The following MBD6 variants were observed in gnomAD, a reference collection of about 807,000 sequenced individuals.
MBD6 encodes the protein methyl-CpG-binding domain protein 6.
MBD6 carries 22 observed loss-of-function variants against 66.8 expected under a neutral mutation model. The observed-to-expected ratio is 0.33, with a 90% CI of 0.24 to 0.47. The LOEUF is 0.47. Among genes scored for constraint, MBD6 ranks in the 20% least tolerant of loss-of-function variants. MBD6 has a pLI of 1.00. For missense variants in MBD6, 1,322 were observed against 1,286.9 expected (o/e 1.03, Z -0.42); for synonymous variants, 540 against 534.6 (o/e 1.01, Z -0.14).
In MBD6 at chr12:57,529,423, C is replaced by CA; in HGVS notation, c.*189_*190insA. ...TGCAGGGGGCAGGGAAGTTCACCCCCCCCCACCACCCCCCCGCCCCCCCGA... is the reference window on the plus strand; with the variant it reads ...TGCAGGGGGCAGGGAAGTTCACCCCCACCCCACCACCCCCCCGCCCCCCCGA... On this transcript the variant is annotated 3_prime_UTR_variant, in exon 13 of 13. Coordinates refer to ENST00000355673, the MANE Select transcript of MBD6 (RefSeq NM_052897.4). The CA allele has an allele frequency of 1.9e-6, 1 of 536,394 alleles. No individual in the cohort carries two copies. Among genetic ancestry groups the CA allele is most frequent in the Non-Finnish European group, 3.3e-6 (1 of 304,252 alleles). The allele number at this position is 536,394 out of a possible 1,614,324, so 33.2% of individuals were successfully genotyped here.
chr12:57,526,892 C>T lies in MBD6; in HGVS notation c.1747C>T (p.Pro583Ser), dbSNP rs770518587. ...GCCCCTGCTACCCCCACCAGGAGGA[C>T]CTGGTCCTCCCCTAGCCCCAGGAGA... ...PEPLLPPPGGPGPPLAPGEPE... is the reference protein window; with the variant it reads ...PEPLLPPPGGSGPPLAPGEPE... Residue 583 changes from proline (P) to serine (S), a missense_variant, in exon 7 of 13, where the codon CCT becomes TCT. Pro to Ser is a moderately conservative substitution (Grantham distance 74). Transcript: ENST00000355673. 5.0e-6 allele frequency: 8 copies of T among 1,613,370 alleles called. No homozygotes were observed. The highest frequency in any genetic ancestry group is 4.4e-5 in the South Asian group (4 of 91,060).
rs368370024 is a variant in MBD6, at chr12:57,526,058, C to G, written c.1090C>G (p.Arg364Gly). 4 of 1,613,904 alleles carry G rather than the reference C, an allele frequency of 2.5e-6. No homozygotes were observed. In the African/African-American group the frequency reaches 5.3e-5, roughly 22 times the overall value. Residue 364 changes from arginine to glycine, a missense_variant, in exon 6 of 13, where the codon CGT becomes GGT. Coordinates refer to ENST00000355673, the MANE Select transcript of MBD6 (RefSeq NM_052897.4). Reference protein sequence around the residue: ...SHSSSLRPSQRRPRRPPTVFR... With the variant: ...SHSSSLRPSQGRPRRPPTVFR... Reference sequence around the variant, plus strand: ...CTCCTCATCACTTCGTCCCTCTCAGCGTCGTCCCCGCAGACCCCCTACTGT... The same window carrying G: ...CTCCTCATCACTTCGTCCCTCTCAGGGTCGTCCCCGCAGACCCCCTACTGT...
At chr12:57,523,385 T>G (rs949564372) in intron 1 of MBD6, 1 of 152,112 alleles carries the variant, frequency 6.6e-6, no homozygotes, top group African/African-American at 2.4e-5. Context: ...TGGAGGGGCT[T>G]CCCCTTCTAT....
chr12:57,530,332 G>T, downstream of MBD6: 1 of 199,876 alleles, frequency 5.0e-6, no homozygotes, highest in Non-Finnish European at 1.0e-5. Context: ...AGCATTTAAT[G>T]GTCAGAAACA....
chr12:57,525,425 C>T lies in MBD6; in HGVS notation c.457C>T (p.Pro153Ser), dbSNP rs895934128. 3 of 1,540,180 alleles carry T rather than the reference C, an allele frequency of 1.9e-6. No homozygotes were observed. In the South Asian group the frequency reaches 3.9e-5, roughly 20 times the overall value. The change falls in exon 6 of 13, where the codon CCT becomes TCT. Residue 153 changes from proline (P) to serine (S), a missense_variant. Coordinates refer to ENST00000355673, the MANE Select transcript of MBD6 (RefSeq NM_052897.4). ...TGCCCGCCCTCCCTGTCGAGTTCCT[C>T]CTACAACTCCACTTAATGGGGGTCC... ...PSARPPCRVP[P>S]TTPLNGGPGS...
rs1292203289 is a variant in MBD6 at position 57,528,245 on chromosome 12, C to T, written c.2505C>T (p.Ala835=). 1 of 1,608,052 alleles carries T rather than the reference C, an allele frequency of 6.2e-7. No homozygotes were observed. The highest frequency in any genetic ancestry group is 8.5e-7 in the Non-Finnish European group (1 of 1,177,240). The stretch of plus-strand genomic sequence containing the variant: ...CCAGGCCTCCCCTCAGTGCCTTAGC[C>T]CCACCCCATGGTTCTCCCGACCCCC... ...EPARPPLSAL[A]PPHGSPDPPV... The change falls in exon 10 of 13, where the codon GCC becomes GCT. Residue 835 remains alanine (A), a synonymous_variant. Transcript: ENST00000355673.
At chr12:57,524,492 C>A in intron 3 of MBD6, 76 bp downstream of exon 3, 1 of 1,332,276 alleles carries the variant, frequency 7.5e-7, no homozygotes, top group Non-Finnish European at 1.0e-6. Context: ...CTTCTCTCAG[C>A]TCAGCTCTCT....
At chr12:57,524,609 C>G in intron 3 of MBD6, 111 bp from the exon 4 acceptor site, 1 of 1,153,434 alleles carries the variant, frequency 8.7e-7, no homozygotes, top group Non-Finnish European at 1.3e-6. Flanking sequence ...TTCCCACATT[C>G]CTTATCCTCT....
chr12:57,526,943 G>A lies in MBD6; in HGVS notation c.1798G>A (p.Ala600Thr), dbSNP rs755308390. 3.1e-6 allele frequency: 5 copies of A among 1,613,726 alleles called. No individual in the cohort carries two copies. Among genetic ancestry groups the A allele is most frequent in the Non-Finnish European group, 3.4e-6 (4 of 1,179,978 alleles). Residue 600 changes from alanine (A) to threonine (T), a missense_variant, in exon 7 of 13, where the codon GCT becomes ACT. By Grantham distance (58) the Ala-to-Thr change is moderately conservative. Coordinates refer to ENST00000355673, the MANE Select transcript of MBD6 (RefSeq NM_052897.4). ...GCCTGAAGGGCCTTCGCTTTTGGTG[G>A]CTTCCTTGCTTCCTCCACCACCCTC... is the stretch of plus-strand genomic sequence containing the variant. ...GEPEGPSLLV[A>T]SLLPPPPSDL... is the part of the protein sequence containing the mutation.
rs760385390 is a variant in MBD6 at position 57,528,147 on chromosome 12, A to T, written c.2407A>T (p.Ile803Phe). 11 of 1,585,414 alleles carry T rather than the reference A, an allele frequency of 6.9e-6. No homozygotes were observed. Among genetic ancestry groups the T allele is most frequent in the Non-Finnish European group, 9.4e-6 (11 of 1,170,920 alleles). The change falls in exon 10 of 13, where the codon ATC becomes TTC. Residue 803 changes from isoleucine to phenylalanine, a missense_variant and splice_region_variant. Physicochemically the swap from Ile to Phe is conservative, Grantham distance 21. Coordinates refer to ENST00000355673, the MANE Select transcript of MBD6 (RefSeq NM_052897.4). ...TGAGAACTTATTTTTTTGCCAGCAGATCCCTCCAGAGCAGCCAGAAGCCCC... is the reference window on the plus strand; with the variant it reads ...TGAGAACTTATTTTTTTGCCAGCAGTTCCCTCCAGAGCAGCCAGAAGCCCC... ...PLACLLQSLQ[I>F]PPEQPEAPCL...
chr12:57,530,895 A>AG (rs1879629361), downstream of MBD6: 1 of 872,560 alleles, frequency 1.1e-6, no homozygotes, highest in Non-Finnish European at 1.9e-6. Flanking sequence ...TGGGCCACAG[A>AG]GGGGGGATGT....
At position 57,527,659 on chromosome 12, in the gene MBD6, G is replaced by C. The variant is rs1427786409; in HGVS notation, c.2235G>C (p.Leu745=). 2.5e-6 allele frequency: 4 copies of C among 1,593,064 alleles called. No homozygotes were observed. Among genetic ancestry groups the C allele is most frequent in the Non-Finnish European group, 3.4e-6 (4 of 1,170,150 alleles). ...LLSPLLGASL[L]GDLSSLTSSP... ...GCCCTCTGCTGGGTGCCAGCCTGCT[G>C]GGTGAGTCTGAGGGAGTGTGAATTC... The change falls in exon 8 of 13, where the codon CTG becomes CTC. Residue 745 remains leucine, a splice_region_variant and synonymous_variant. Transcript: ENST00000355673.
At chr12:57,525,214 G>C (rs1878786500) in intron 5 of MBD6, 99 bp downstream of exon 5, 2 of 1,510,192 alleles carry the variant, frequency 1.3e-6, no homozygotes, top group African/African-American at 1.4e-5. Flanking sequence ...AGAGAAAGGG[G>C]AGTGGGTGGG....
chr12:57,525,384 C>T lies in MBD6; in HGVS notation c.416C>T (p.Ser139Phe), dbSNP rs769213426. 3.9e-6 allele frequency: 6 copies of T among 1,550,288 alleles called. No homozygotes were observed. The Admixed American group carries it at 1.1e-4, about 28-fold the overall frequency. Reference protein sequence around the residue: ...GASPQMFHTVSPGPPSARPPC... With the variant: ...GASPQMFHTVFPGPPSARPPC... Reference sequence around the variant, plus strand: ...AGCCCCCAAATGTTCCACACTGTGTCCCCAGGGCCCCCCTCTGCCCGCCCT... The same window carrying T: ...AGCCCCCAAATGTTCCACACTGTGTTCCCAGGGCCCCCCTCTGCCCGCCCT... The change falls in exon 6 of 13, where the codon TCC becomes TTC. Residue 139 changes from serine (S) to phenylalanine (F), a missense_variant. By Grantham distance (155) the Ser-to-Phe change is radical (BLOSUM62 -2). Transcript: ENST00000355673.
chr12:57,527,080 C>G lies in MBD6; in HGVS notation c.1935C>G (p.Ala645=). The G allele has an allele frequency of 6.2e-7, 1 of 1,601,738 alleles. No individual in the cohort carries two copies. Among genetic ancestry groups the G allele is most frequent in the Non-Finnish European group, 8.5e-7 (1 of 1,172,322 alleles). Residue 645 remains alanine, a synonymous_variant, in exon 7 of 13, where the codon GCC becomes GCG. Transcript: ENST00000355673. ...AGDGEGSAEG[A]GGPSGEPFSG... ...ATGGGGAGGGATCTGCAGAGGGAGC[C>G]GGGGGTCCAAGTGGGGAGCCATTTT... is the stretch of plus-strand genomic sequence containing the variant.
intron 5 of MBD6, 114 bp from the exon 6 acceptor site, chr12:57,525,234 G>A (rs1878790199): frequency 6.7e-7 from 1 of 1,486,944 alleles, no homozygotes; most frequent in Non-Finnish European, 9.1e-7. Flanking sequence ...GGAGCTGCAT[G>A]TTGAAAGGAG....
chr12:57,522,619 G>C (rs1194852957), upstream of MBD6: 3 of 152,572 alleles, frequency 2.0e-5, no homozygotes, highest in Non-Finnish European at 4.4e-5. Flanking sequence ...TGTGGGGGAG[G>C]GGTAGGCGCG....
chr12:57,526,355 G>A lies in MBD6; in HGVS notation c.1387G>A (p.Gly463Arg). 6.2e-7 allele frequency: 1 copy of A among 1,605,178 alleles called. No individual in the cohort carries two copies. The highest frequency in any genetic ancestry group is 8.5e-7 in the Non-Finnish European group (1 of 1,175,002). Residue 463 changes from glycine (G) to arginine (R), a missense_variant, in exon 6 of 13, where the codon GGG becomes AGG. Transcript: ENST00000355673. ...PRHPIQPSLP[G>R]TTSGSLSSVP... ...GCACCCCATCCAGCCCTCCCTGCCT[G>A]GGACCACCAGTGGCAGCCTCAGCAG...
At chr12:57,530,711 C>T (rs775983392), downstream of MBD6, 106 of 1,613,748 alleles carry the variant, frequency 6.6e-5, no homozygotes, top group South Asian at 8.8e-5. Flanking sequence ...CTTCTTCATC[C>T]GTTCATCAAT....
Sources: allele counts gnomAD v4.1 joint callset, GRCh38; gene constraint gnomAD v4.1.1; transcripts MANE v1.5; gene names NCBI Gene and HGNC (gene_info 2026-07-23, HGNC 2026-07-21).